USP32: variants seen among roughly 807,000 people sequenced by gnomAD.
USP32 encodes ubiquitin carboxyl-terminal hydrolase 32.
Under a neutral mutation model 204.8 loss-of-function variants are expected in USP32, and 59 were observed. The observed-to-expected ratio is 0.29, with a 90% confidence interval of 0.23 to 0.36. USP32 has a LOEUF of 0.36. Among genes scored for constraint, USP32 ranks in the 10% least tolerant of loss-of-function variants. The pLI, the probability that USP32 is intolerant of heterozygous loss-of-function variation, is 1.00. For missense variants in USP32, 1,160 were observed against 1,946.4 expected (o/e 0.60, Z 7.60); for synonymous variants, 517 against 678.4 (o/e 0.76, Z 3.70).
intron 32 of USP32, 125 bp downstream of exon 32, chr17:60,181,199 G>T (rs1598021834): frequency 7.9e-7 from 1 of 1,272,168 alleles, no homozygotes; most frequent in African/African-American, 1.5e-5. Context: ...TGTTAACTTT[G>T]TCTATCACTA....
chr17:60,328,360 C>T (rs959940962), intron 2 of USP32, among the ~76,000 whole-genome samples: 2 of 152,112 alleles, frequency 1.3e-5, no homozygotes, highest in African/African-American at 4.8e-5. Context: ...GAGAGCTGGA[C>T]CGAGGATGGG....
chr17:60,187,836 T>TA (rs2084288338), intron 29 of USP32, among the ~76,000 whole-genome samples: 1 of 152,224 alleles, frequency 6.6e-6, no homozygotes, highest in South Asian at 2.1e-4. Flanking sequence ...ATAAATTACT[T>TA]ATAGGCACCC....
rs568376534 is a variant in USP32 at position 60,223,721 on chromosome 17, T to C, written c.1433-135A>G. 1,411 of 690,508 alleles carry C rather than the reference T, an allele frequency of 2.0e-3. 1 individual carries two copies. The highest frequency in any genetic ancestry group is 2.9e-3 in the Non-Finnish European group (1,274 of 445,840). The allele number at this position is 690,508 out of a possible 1,614,324, so 42.8% of individuals were successfully genotyped here. Reference sequence around the variant, plus strand: ...GTACAGATTAAGATTCTGGTAATTCTGTAGAAGACAGGAAATGTTATCCTT... The same window carrying C: ...GTACAGATTAAGATTCTGGTAATTCCGTAGAAGACAGGAAATGTTATCCTT... On this transcript the variant is annotated intron_variant, in intron 13 of 33. Transcript: ENST00000300896.
At chr17:60,328,405 T>A (rs984292186) in intron 2 of USP32, among the ~76,000 whole-genome samples, 2 of 152,146 alleles carry the variant, frequency 1.3e-5, no homozygotes, top group Non-Finnish European at 2.9e-5. Context: ...CCCCTTCTGC[T>A]GAGAGCTGAA....
intron 2 of USP32, among the ~76,000 whole-genome samples, chr17:60,306,027 C>T (rs2087712905): frequency 6.6e-6 from 1 of 151,868 alleles, no homozygotes; most frequent in Admixed American, 6.6e-5. Context: ...ATCAATGTTT[C>T]AGAAAGCAGT....
chr17:60,346,574 T>A (rs2088790811), intron 1 of USP32, among the ~76,000 whole-genome samples: 1 of 152,128 alleles, frequency 6.6e-6, no homozygotes, highest in African/African-American at 2.4e-5. Context: ...AACAAAAAAA[T>A]TACTGAGCCA....
At chr17:60,312,408 T>TTTGTTG (rs556196900) in intron 2 of USP32, among the ~76,000 whole-genome samples, 5 of 151,986 alleles carry the variant, frequency 3.3e-5, no homozygotes, top group Admixed American at 6.6e-5. Context: ...TACTTTTCCA[T>TTTGTTG]TTGTTGTTGT....
intron 7 of USP32, among the ~76,000 whole-genome samples, chr17:60,268,198 T>C (rs1256833571): frequency 6.6e-6 from 1 of 152,086 alleles, no homozygotes; most frequent in Admixed American, 6.6e-5. Context: ...AAATGAATCA[T>C]TCTAGTTTAA....
intron 1 of USP32, among the ~76,000 whole-genome samples, chr17:60,382,699 T>C (rs1246013911): frequency 6.6e-6 from 1 of 152,108 alleles, no homozygotes. Context: ...AACTCTAACT[T>C]CATATATGGC....
At chr17:60,371,847 T>C (rs781511942) in intron 1 of USP32, among the ~76,000 whole-genome samples, 24 of 152,296 alleles carry the variant, frequency 1.6e-4, no homozygotes, top group Non-Finnish European at 2.2e-4. Context: ...GTGTTCAGGG[T>C]TGAATTAGTG....
intron 1 of USP32, among the ~76,000 whole-genome samples, chr17:60,354,248 T>C (rs2089018168): frequency 6.6e-6 from 1 of 152,220 alleles, no homozygotes; most frequent in South Asian, 2.1e-4. Flanking sequence ...CCAAGTATAT[T>C]TTAAGTCTCT....
At chr17:60,361,459 T>G (rs1287821204) in intron 1 of USP32, among the ~76,000 whole-genome samples, 1 of 152,210 alleles carries the variant, frequency 6.6e-6, no homozygotes, top group Non-Finnish European at 1.5e-5. Context: ...TGTTCATATT[T>G]AGGCTGTTAC....
intron 28 of USP32, 124 bp from the exon 29 acceptor site, chr17:60,190,807 G>A: frequency 1.5e-6 from 2 of 1,350,172 alleles, no homozygotes; most frequent in South Asian, 3.2e-5. Context: ...ATTTGTCATG[G>A]GCTTCTAACT....
At chr17:60,334,654 T>C (rs1289862983) in intron 2 of USP32, among the ~76,000 whole-genome samples, 1 of 142,526 alleles carries the variant, frequency 7.0e-6, no homozygotes, top group Admixed American at 6.8e-5. Flanking sequence ...ATCGCGCCAC[T>C]GCACTCCAGC....
rs539986195 is a variant in USP32, at chr17:60,420,485, T to G, written c.106+1761A>C. On this transcript the variant is annotated intron_variant, in intron 1 of 3. Transcript: ENST00000588898. ...GAGTTAGACACCAGCGTGACCAACA[T>G]GGAGAAACCCCGTCTTTACTAAAAA... 3.8e-4 allele frequency among the ~76,000 whole-genome samples: 57 copies of G among 151,600 alleles called. 1 individual carries two copies. Among genetic ancestry groups the G allele is most frequent in the African/African-American group, 1.3e-3 (52 of 41,292 alleles).
chr17:60,377,521 T>C (rs563255687), intron 1 of USP32, among the ~76,000 whole-genome samples: 44 of 152,304 alleles, frequency 2.9e-4, no homozygotes, highest in Middle Eastern at 6.8e-3. Context: ...TTCATAAAGA[T>C]AGGAGGCATT....
rs1322814885 is a variant in USP32, at chr17:60,391,871, T to TC, written c.58+10dup. ...CTCCCAGGCAGCTCGCCCAGACCCCTCCCCCCTCACCTCTCCTCAGCGCCT... is the reference window on the plus strand; with the variant it reads ...CTCCCAGGCAGCTCGCCCAGACCCCTCCCCCCCTCACCTCTCCTCAGCGCCT... On this transcript the variant is annotated intron_variant, in intron 1 of 33. Coordinates refer to ENST00000300896, the MANE Select transcript of USP32 (RefSeq NM_032582.4). The TC allele has an allele frequency of 1.4e-6, 2 of 1,457,312 alleles. No individual in the cohort carries two copies. Among genetic ancestry groups the TC allele is most frequent in the East Asian group, 2.8e-5 (1 of 35,252 alleles). The allele number at this position is 1,457,312 out of a possible 1,614,324, so 90.3% of individuals were successfully genotyped here. A position where few individuals can be genotyped will look rare whatever the true frequency, so the allele number is the denominator to read the frequency against.
intron 27 of USP32, among the ~76,000 whole-genome samples, chr17:60,196,811 C>A (rs1010217377): frequency 6.6e-6 from 1 of 150,820 alleles, no homozygotes; most frequent in Non-Finnish European, 1.5e-5. Context: ...GGTGACAGAG[C>A]GAGACTCTGT....
chr17:60,304,354 ATTTTT>A (rs954567130), intron 2 of USP32, among the ~76,000 whole-genome samples: 6 of 150,778 alleles, frequency 4.0e-5, no homozygotes, highest in African/African-American at 1.2e-4. Context: ...GCTTCCCTTT[ATTTTT>A]TTATTTTTTT....
Sources: allele counts gnomAD v4.1 joint callset (sites outside exome capture counted in the v4.1 genomes callset), GRCh38; gene constraint gnomAD v4.1.1; transcripts MANE v1.5; gene names NCBI Gene and HGNC (gene_info 2026-07-23, HGNC 2026-07-21).